Variants in AUTS2 observed in about 807,000 individuals in gnomAD.
AUTS2 encodes the protein autism susceptibility gene 2 protein.
Under a neutral mutation model 112.4 loss-of-function variants are expected in AUTS2, and 17 were observed. That is an observed-to-expected ratio of 0.15 (90% CI 0.10 to 0.23). The LOEUF (loss-of-function observed/expected upper bound fraction) is 0.23. Among genes scored for constraint, AUTS2 ranks in the 10% least tolerant of loss-of-function variants. The probability of loss-of-function intolerance (pLI) is 1.00; values close to 1 mark genes in which losing one functional copy is unlikely to be tolerated. For missense variants in AUTS2, 1,510 were observed against 1,701.6 expected (o/e 0.89, Z 1.98); for synonymous variants, 751 against 702.7 (o/e 1.07, Z -1.09).
intron 4 of AUTS2, among the ~76,000 whole-genome samples, chr7:70,243,869 C>T (rs1321089530): frequency 1.3e-5 from 2 of 151,988 alleles, no homozygotes; most frequent in Non-Finnish European, 2.9e-5. Context: ...TAGACTGGGC[C>T]TGCCCTCTCA....
intron 1 of AUTS2, among the ~76,000 whole-genome samples, chr7:69,664,074 G>T (rs1478423814): frequency 6.6e-6 from 1 of 152,212 alleles, no homozygotes; most frequent in Admixed American, 6.5e-5. Flanking sequence ...TGCAGTTGTG[G>T]TTCCGGACTC....
At chr7:70,534,095 C>T (rs990599582) in intron 5 of AUTS2, among the ~76,000 whole-genome samples, 11 of 152,202 alleles carry the variant, frequency 7.2e-5, no homozygotes, top group Admixed American at 5.2e-4. Context: ...ACTAAGAGGT[C>T]GCTCTGGTAT....
At chr7:70,489,316 G>A (rs1463745364) in intron 5 of AUTS2, among the ~76,000 whole-genome samples, 1 of 152,170 alleles carries the variant, frequency 6.6e-6, no homozygotes, top group Non-Finnish European at 1.5e-5. Flanking sequence ...TTAATCAGGG[G>A]CAACTGACTT....
At chr7:70,383,542 G>A (rs887843539) in intron 4 of AUTS2, among the ~76,000 whole-genome samples, 8 of 152,196 alleles carry the variant, frequency 5.3e-5, no homozygotes, top group Non-Finnish European at 1.2e-4. Context: ...TATCTTATGA[G>A]TAGCTAAAAG....
chr7:70,603,041 A>G (rs2129530196), intron 5 of AUTS2, among the ~76,000 whole-genome samples: 1 of 152,282 alleles, frequency 6.6e-6, no homozygotes, highest in Non-Finnish European at 1.5e-5. Context: ...TCAGGATTTT[A>G]GGTATTTTTT....
At chr7:70,638,425 C>A (rs4717539) in intron 5 of AUTS2, among the ~76,000 whole-genome samples, 1 of 152,116 alleles carries the variant, frequency 6.6e-6, no homozygotes, top group Non-Finnish European at 1.5e-5. Context: ...TGCCGCACAC[C>A]GTGGCAGAAT....
At chr7:70,507,665 C>T (rs1345082187) in intron 5 of AUTS2, among the ~76,000 whole-genome samples, 5 of 152,072 alleles carry the variant, frequency 3.3e-5, no homozygotes, top group Admixed American at 1.3e-4. Context: ...GGTATGGTGA[C>T]GGGCACCTGT....
At chr7:70,422,373 TAC>T (rs1795259985) in intron 4 of AUTS2, among the ~76,000 whole-genome samples, 1 of 152,224 alleles carries the variant, frequency 6.6e-6, no homozygotes, top group Admixed American at 6.5e-5. Flanking sequence ...TGAAAAGAAA[TAC>T]AGTTTTTTTA....
At chr7:70,090,222 A>G (rs909429652) in intron 2 of AUTS2, among the ~76,000 whole-genome samples, 1 of 151,920 alleles carries the variant, frequency 6.6e-6, no homozygotes, top group Non-Finnish European at 1.5e-5. Flanking sequence ...CATGTATACC[A>G]TAAGAATCTT....
rs149012874 is a variant in AUTS2, at chr7:70,486,642, C to T, written c.690+50861C>T. Among the ~76,000 whole-genome samples, 951 of 152,100 alleles carry T rather than the reference C, an allele frequency of 6.3e-3. 14 individuals carry two copies. Among genetic ancestry groups the T allele is most frequent in the African/African-American group, 0.022 (911 of 41,506 alleles). ...GGCATGGTGGCACATGCCTGTAATC[C>T]CAGCTACTTGGGAGGCTGAGGTGGG... On this transcript the variant is annotated intron_variant, in intron 5 of 18. Transcript: ENST00000342771.
chr7:70,435,880 T>C, intron 5 of AUTS2, 99 bp downstream of exon 5: 1 of 1,266,396 alleles, frequency 7.9e-7, no homozygotes, highest in Non-Finnish European at 1.1e-6. Flanking sequence ...AGCTTCATGT[T>C]GACAGGACCT....
chr7:69,824,880 C>T (rs771783843), intron 1 of AUTS2, among the ~76,000 whole-genome samples: 2 of 152,102 alleles, frequency 1.3e-5, no homozygotes, highest in Admixed American at 6.5e-5. Context: ...GTATCTATTT[C>T]GGAGATTGCG....
intron 4 of AUTS2, among the ~76,000 whole-genome samples, chr7:70,265,343 T>A (rs1252505210): frequency 1.3e-5 from 2 of 152,196 alleles, no homozygotes; most frequent in Non-Finnish European, 2.9e-5. Flanking sequence ...GGCTAGTTTC[T>A]TGTGAATTAA....
intron 6 of AUTS2, among the ~76,000 whole-genome samples, chr7:70,749,987 C>T (rs965535622): frequency 2.0e-5 from 3 of 152,188 alleles, no homozygotes; most frequent in African/African-American, 4.8e-5. Flanking sequence ...TGACTGAGGT[C>T]GCTGAGACTG....
At chr7:70,730,613 C>G (rs1384461344) in intron 6 of AUTS2, among the ~76,000 whole-genome samples, 1 of 152,142 alleles carries the variant, frequency 6.6e-6, no homozygotes, top group Non-Finnish European at 1.5e-5. Flanking sequence ...AAATAATATT[C>G]CATTGTATGG....
At chr7:70,182,436 T>C (rs1809368057) in intron 4 of AUTS2, among the ~76,000 whole-genome samples, 2 of 152,216 alleles carry the variant, frequency 1.3e-5, no homozygotes, top group Non-Finnish European at 2.9e-5. Context: ...TTATTGCAGA[T>C]AGTGGGATAT....
chr7:69,777,927 G>T (rs1356007112), intron 1 of AUTS2, among the ~76,000 whole-genome samples: 1 of 152,150 alleles, frequency 6.6e-6, no homozygotes, highest in Non-Finnish European at 1.5e-5. Context: ...GTTTGTGGAT[G>T]TGGGTTATGT....
intron 1 of AUTS2, among the ~76,000 whole-genome samples, chr7:69,630,326 A>G (rs1435982611): frequency 6.6e-6 from 1 of 152,210 alleles, no homozygotes; most frequent in East Asian, 1.9e-4. Flanking sequence ...TTTCCTCTGA[A>G]CTAGAGTATG....
At chr7:69,687,009 G>C (rs543519836) in intron 1 of AUTS2, among the ~76,000 whole-genome samples, 3 of 152,312 alleles carry the variant, frequency 2.0e-5, no homozygotes, top group South Asian at 4.1e-4. Context: ...AGACTATAAA[G>C]TCACAGATGA....
Sources: allele counts gnomAD v4.1 joint callset (sites outside exome capture counted in the v4.1 genomes callset), GRCh38; gene constraint gnomAD v4.1.1; transcripts MANE v1.5; gene names NCBI Gene and HGNC (gene_info 2026-07-23, HGNC 2026-07-21).